The following PLEKHA4 variants were observed in gnomAD, a reference collection of about 807,000 sequenced individuals.
The protein encoded by PLEKHA4 is pleckstrin homology domain containing A4, also known as pleckstrin homology domain-containing family A member 4.
PLEKHA4 carries 73 observed loss-of-function variants against 94.7 expected under a neutral mutation model. The ratio of observed to expected loss-of-function variants is 0.77; its 90% CI spans 0.64 to 0.94. PLEKHA4 has a LOEUF of 0.94. PLEKHA4 is among the 40% of genes least tolerant of loss of function. The pLI, the probability that PLEKHA4 is intolerant of heterozygous loss-of-function variation, is 0.00. For missense variants in PLEKHA4, 1,049 were observed against 1,054.1 expected (o/e 1.00, Z 0.07); for synonymous variants, 449 against 437.1 (o/e 1.03, Z -0.34).
chr19:48,865,671 G>T, intron 2 of PLEKHA4, 61 bp from the exon 3 acceptor site: 1 of 1,227,710 alleles, frequency 8.1e-7, no homozygotes, highest in African/African-American at 1.5e-5. Flanking sequence ...GGGAGGGGGT[G>T]AGGGTGGACA....
chr19:48,859,434 TA>T, intron 7 of PLEKHA4, 34 bp downstream of exon 7: 1 of 1,607,672 alleles, frequency 6.2e-7, no homozygotes, highest in Non-Finnish European at 8.5e-7. Context: ...GCCCTTCTCT[TA>T]GGCCACGCCC....
intron 18 of PLEKHA4, 30 bp from the exon 19 acceptor site, chr19:48,838,159 GGT>G (rs2035614526): frequency 7.1e-7 from 1 of 1,409,046 alleles, no homozygotes; most frequent in Non-Finnish European, 1.0e-6. Context: ...TGGGGGTGGG[GGT>G]GTGTACATGG....
intron 16 of PLEKHA4, among the ~76,000 whole-genome samples, chr19:48,843,414 T>C (rs2035840419): frequency 3.3e-5 from 5 of 151,972 alleles, no homozygotes; most frequent in African/African-American, 1.2e-4. Flanking sequence ...CTCCTGACCT[T>C]GTGATCCGCC....
chr19:48,841,641 T>C (rs1421601880), intron 16 of PLEKHA4, among the ~76,000 whole-genome samples: 1 of 151,234 alleles, frequency 6.6e-6, no homozygotes, highest in African/African-American at 2.4e-5. Flanking sequence ...TATATATATA[T>C]ATATGTTGCT....
intron 16 of PLEKHA4, among the ~76,000 whole-genome samples, chr19:48,843,993 G>T (rs118144917): frequency 1.3e-5 from 2 of 151,446 alleles, no homozygotes; most frequent in African/African-American, 4.9e-5. Context: ...GTAGAGATGG[G>T]TCTTGCTACG....
chr19:48,860,270 G>T lies in PLEKHA4; in HGVS notation c.476+80C>A, dbSNP rs1394065925. The T allele has an allele frequency of 1.2e-5, 15 of 1,214,640 alleles. No homozygotes were observed. The Admixed American group carries it at 1.6e-4, about 13-fold the overall frequency. The allele number at this position is 1,214,640 out of a possible 1,614,324, so 75.2% of individuals were successfully genotyped here. Reference sequence around the variant, plus strand: ...TGGTGATTGGACACTCAAGGGGGCAGGGCCCCAAAGGGGAGGAGTTGGGAT... The same window carrying T: ...TGGTGATTGGACACTCAAGGGGGCATGGCCCCAAAGGGGAGGAGTTGGGAT... On this transcript the variant is annotated intron_variant, in intron 6 of 19. Coordinates refer to ENST00000263265, the MANE Select transcript of PLEKHA4 (RefSeq NM_020904.3).
chr19:48,837,509 G>A lies in PLEKHA4; in HGVS notation c.2120C>T (p.Pro707Leu). Residue 707 changes from proline (P) to leucine (L), a missense_variant, in exon 20 of 20, where the codon CCG becomes CTG. Physicochemically the swap from Pro to Leu is moderately conservative, Grantham distance 98. Transcript: ENST00000263265. This position sits in a 1 kb window ranked among gnomAD's most constrained non-coding sequence, Gnocchi z 4.3. ...DSQGDPLPGV[P>L]LPPSDPTRQE... The stretch of plus-strand genomic sequence containing the variant: ...GCGCGTGGGGTCCGAAGGAGGCAGC[G>A]GCACACCGGGAAGAGGGTCTCCCTG... The A allele has an allele frequency of 1.2e-6, 2 of 1,613,094 alleles. No homozygotes were observed. Among genetic ancestry groups the A allele is most frequent in the Non-Finnish European group, 1.7e-6 (2 of 1,179,598 alleles).
chr19:48,844,706 A>G (rs899708808), intron 16 of PLEKHA4: 1 of 930,606 alleles, frequency 1.1e-6, no homozygotes, highest in Admixed American at 6.2e-5. Context: ...TCCACAGCTT[A>G]AAGTCAACCA....
At chr19:48,850,937 C>G (rs1002032510) in intron 13 of PLEKHA4, among the ~76,000 whole-genome samples, 1 of 151,826 alleles carries the variant, frequency 6.6e-6, no homozygotes. Context: ...GTCAGGAGTT[C>G]GAGACCAGCC....
intron 3 of PLEKHA4, among the ~76,000 whole-genome samples, chr19:48,864,275 C>T (rs2036752814): frequency 6.6e-6 from 1 of 151,204 alleles, no homozygotes; most frequent in Non-Finnish European, 1.5e-5. Flanking sequence ...TTCAAATTTT[C>T]CTTGTCTCAG....
Position 48,860,825 on chromosome 19 carries a change from AAG to A in PLEKHA4, c.367-368_367-367del, listed in dbSNP as rs2036607492. On this transcript the variant is annotated intron_variant, in intron 5 of 19. Transcript: ENST00000263265. ...GGGAAGGGAGAGAAAGAAAGAGAGA[AAG>A]AGAAAGAAAGAAAGAGAGAGAGAGA... 2.0e-5 allele frequency among the ~76,000 whole-genome samples: 3 copies of A among 150,608 alleles called. No homozygotes were observed. The South Asian group carries it at 6.3e-4, about 32-fold the overall frequency.
rs907412664 is a variant in PLEKHA4 at position 48,867,151 on chromosome 19, A to G, written c.84+386T>C. 6.6e-6 allele frequency among the ~76,000 whole-genome samples: 1 copy of G among 152,092 alleles called. No individual in the cohort carries two copies. The highest frequency in any genetic ancestry group is 2.4e-5 in the African/African-American group (1 of 41,422). On this transcript the variant is annotated intron_variant, in intron 2 of 19. Transcript: ENST00000263265. The surrounding 1 kb of genome is among the most constrained non-coding windows in gnomAD (Gnocchi z 4.7). ...GAGGCCCCTTGGGTCTTATTGTCAG[A>G]GAAGGGTCTCTCCTTATAGGATTTC...
Position 48,860,448 on chromosome 19 carries a change from C to A in PLEKHA4, c.378G>T (p.Pro126=), listed in dbSNP as rs2036591915. Residue 126 remains proline (P), a synonymous_variant, in exon 6 of 20, where the codon CCG becomes CCT. Coordinates refer to ENST00000263265, the MANE Select transcript of PLEKHA4 (RefSeq NM_020904.3). ...GRRFTFTAEH[P]GMRTYVLAAD... ...CGGCCAAAACGTAGGTCCTCATGCCCGGGTGCTCTGCCTGCGGGAAGAGAA... is the reference window on the plus strand; with the variant it reads ...CGGCCAAAACGTAGGTCCTCATGCCAGGGTGCTCTGCCTGCGGGAAGAGAA... The A allele has an allele frequency of 4.3e-6, 7 of 1,613,920 alleles. No homozygotes were observed. The highest frequency in any genetic ancestry group is 5.9e-6 in the Non-Finnish European group (7 of 1,179,894).
intron 18 of PLEKHA4, 184 bp from the exon 19 acceptor site, chr19:48,838,313 TTATACATC>T: frequency 2.2e-6 from 1 of 453,780 alleles, no homozygotes; most frequent in Non-Finnish European, 4.0e-6. Context: ...ACTAGATTGT[TTATACATC>T]AAAGGGTAAA....
rs1443975517 is a variant in PLEKHA4, at chr19:48,859,015, A to G, written c.817T>C (p.Leu273=). 1.4e-6 allele frequency: 2 copies of G among 1,422,116 alleles called. No individual in the cohort carries two copies. The highest frequency in any genetic ancestry group is 1.6e-5 in the African/African-American group (1 of 61,446). The allele number at this position is 1,422,116 out of a possible 1,614,324, so 88.1% of individuals were successfully genotyped here. ...TAPPARPHTP[L]SRIDVRPPLD... The stretch of plus-strand genomic sequence containing the variant: ...GGAGGTCGGACATCAATGCGACTCA[A>G]CGGGGTGTGAGGTCGGGCAGGGGGT... Residue 273 remains leucine (L), a synonymous_variant, in exon 8 of 20, where the codon TTG becomes CTG. Coordinates refer to ENST00000263265, the MANE Select transcript of PLEKHA4 (RefSeq NM_020904.3).
chr19:48,856,941 A>G (rs2036442295), intron 9 of PLEKHA4, among the ~76,000 whole-genome samples: 1 of 127,878 alleles, frequency 7.8e-6, no homozygotes, highest in Non-Finnish European at 1.6e-5. Context: ...AAAGAAAAGA[A>G]AAAGAAAGAG....
At chr19:48,859,215 C>T (rs1457207124) in intron 7 of PLEKHA4, 76 bp from the exon 8 acceptor site, 32 of 1,181,866 alleles carry the variant, frequency 2.7e-5, no homozygotes, top group Non-Finnish European at 3.8e-5. Flanking sequence ...TCAAGTCAGC[C>T]TCAAGGACAT....
rs750293843 is a variant in PLEKHA4, at chr19:48,865,485, T to C, written c.192+18A>G. On this transcript the variant is annotated intron_variant, in intron 3 of 19. Coordinates refer to ENST00000263265, the MANE Select transcript of PLEKHA4 (RefSeq NM_020904.3). ...GGCACAGACTTCAGTGTCCTTTTCC[T>C]TCTCCTACTGACCCCACCTGCTTAT... 1 of 1,598,752 alleles carries C rather than the reference T, an allele frequency of 6.3e-7. No homozygotes were observed. Among genetic ancestry groups the C allele is most frequent in the Non-Finnish European group, 8.6e-7 (1 of 1,166,430 alleles).
At chr19:48,841,040 T>G in intron 17 of PLEKHA4, 109 bp downstream of exon 17, 1 of 1,142,106 alleles carries the variant, frequency 8.8e-7, no homozygotes, top group Non-Finnish European at 1.2e-6. Context: ...GGAAATCCAG[T>G]TTGGAGGAAG....
Sources: gnomAD v4.1 joint callset for allele counts (sites outside exome capture counted in the v4.1 genomes callset) on GRCh38, gnomAD v4.1.1 for gene constraint, Gnocchi (gnomAD v3.1) non-coding constraint, MANE v1.5 for transcripts, NCBI Gene and HGNC (gene_info 2026-07-23, HGNC 2026-07-21) for gene names.